ZNF675: variants seen among roughly 807,000 people sequenced by gnomAD.
The protein encoded by ZNF675 is TRAF6 inhibitory zinc finger.
Under a neutral mutation model 56.1 loss-of-function variants are expected in ZNF675, and 36 were observed. The observed-to-expected ratio is 0.64, with a 90% CI of 0.49 to 0.85. The LOEUF (loss-of-function observed/expected upper bound fraction) is 0.85, where lower values mean the gene tolerates loss of function less well. ZNF675 is among the 40% of genes least tolerant of loss of function. The pLI is 0.00. For synonymous variants in ZNF675, 200 were observed against 218.9 expected, an observed-to-expected ratio of 0.91 and a Z score of 0.76; for missense variants, 663 against 654.2, an observed-to-expected ratio of 1.01 and a Z score of -0.15.
chr19:23,671,719 T>C (rs1427534661), intron 1 of ZNF675, among the ~76,000 whole-genome samples: 8 of 151,624 alleles, frequency 5.3e-5, no homozygotes, highest in African/African-American at 1.7e-4. Context: ...CTAGTTGCTA[T>C]AGTCTAGACT....
At chr19:23,685,920 T>C (rs1045655225) in intron 1 of ZNF675, among the ~76,000 whole-genome samples, 1 of 151,908 alleles carries the variant, frequency 6.6e-6, no homozygotes, top group Non-Finnish European at 1.5e-5. Flanking sequence ...TCCTGTGGAG[T>C]GTGAAAATAA....
At chr19:23,667,196 T>C (rs4932886) in intron 1 of ZNF675, among the ~76,000 whole-genome samples, 147,263 of 151,690 alleles carry the variant, frequency 0.97, 71,643 homozygotes, top group Middle Eastern at 1. Context: ...TGGAGTTGTT[T>C]GTTCCTCCCG....
At chr19:23,660,034 T>C (rs886564010) in intron 3 of ZNF675, among the ~76,000 whole-genome samples, 3 of 151,464 alleles carry the variant, frequency 2.0e-5, no homozygotes, top group African/African-American at 7.3e-5. Context: ...ATGCAGACCC[T>C]ACTGCAAAAA....
At chr19:23,659,418 T>C (rs973280812) in intron 3 of ZNF675, among the ~76,000 whole-genome samples, 1 of 152,070 alleles carries the variant, frequency 6.6e-6, no homozygotes, top group African/African-American at 2.4e-5. Flanking sequence ...AATGCCTTTA[T>C]GAGATTGCCA....
intron 1 of ZNF675, chr19:23,686,276 C>A (rs1159709149): frequency 2.0e-5 from 3 of 152,096 alleles, no homozygotes; most frequent in Non-Finnish European, 2.9e-5. Context: ...TGATTAAATT[C>A]TCCAATATTT....
rs865788602 is a variant in ZNF675, at chr19:23,667,153, C to T, written c.4-3995G>A. On this transcript the variant is annotated intron_variant, in intron 1 of 3. Coordinates refer to ENST00000359788, the MANE Select transcript of ZNF675 (RefSeq NM_138330.3). ...TCAGGAGTGAAGCTGCAGACCTTCG[C>T]GGTGAGTGTTACAGCTCTTAAGGCA... is the stretch of plus-strand genomic sequence containing the variant. Among the ~76,000 whole-genome samples, 103 of 151,422 alleles carry T rather than the reference C, an allele frequency of 6.8e-4. 1 individual carries two copies. The highest frequency in any genetic ancestry group is 1.1e-3 in the Admixed American group (16 of 15,194).
chr19:23,654,247 T>C lies in ZNF675; in HGVS notation c.686A>G (p.Lys229Arg), dbSNP rs138875000. ...AAAAGTTCTGTCACATTCTTGACAT[T>C]TGTAGAGTTTCTCACAAGTATAAAT... ...KRIYTCEKLY[K>R]CQECDRTFNQ... Residue 229 changes from lysine to arginine, a missense_variant, in exon 4 of 4, where the codon AAA (lysine) becomes AGA (arginine). Coordinates refer to ENST00000359788, the MANE Select transcript of ZNF675 (RefSeq NM_138330.3). 4.1e-4 allele frequency: 659 copies of C among 1,613,810 alleles called. 7 individuals carry two copies. In the South Asian group the frequency reaches 4.4e-3, roughly 11 times the overall value.
In ZNF675 at chr19:23,663,031, C is replaced by G; in HGVS notation, c.130+1G>C. 1 of 1,582,400 alleles carries G rather than the reference C, an allele frequency of 6.3e-7. No individual in the cohort carries two copies. The highest frequency in any genetic ancestry group is 8.6e-7 in the Non-Finnish European group (1 of 1,169,464). On this transcript the variant is annotated splice_donor_variant, in intron 2 of 3. Transcript: ENST00000359788. LOFTEE classifies it high-confidence loss of function. ...AAACTGTGTGTTTAAGTTATCCTTA[C>G]CCAGGAAGACCAGGTTTCTGTAGTT...
At chr19:23,656,871 T>C (rs1363831281) in intron 3 of ZNF675, 1 of 152,138 alleles carries the variant, frequency 6.6e-6, no homozygotes, top group Non-Finnish European at 1.5e-5. Context: ...TGAGTTTTAG[T>C]TTCACAAGAT....
In ZNF675 at chr19:23,653,903, C is replaced by G. The variant is rs1040662914; in HGVS notation, c.1030G>C (p.Glu344Gln). ...GATCGGTTAAAAGCTTTTCCACATT[C>G]TTCACATTTGTAGGGTTTTTCTCCA... ...HTGEKPYKCE[E>Q]CGKAFNRSSK... Residue 344 changes from glutamate (E) to glutamine (Q), a missense_variant, in exon 4 of 4, where the codon GAA (glutamate) becomes CAA (glutamine). Around this residue, in one of 3 missense-constraint regions of ZNF675, gnomAD observed 617 missense variants for 590.5 expected, o/e 1.04. Transcript: ENST00000359788. The G allele has an allele frequency of 9.9e-6, 16 of 1,613,344 alleles. No individual in the cohort carries two copies. The highest frequency in any genetic ancestry group is 1.2e-5 in the Non-Finnish European group (14 of 1,179,508).
chr19:23,653,807 C>T lies in ZNF675; in HGVS notation c.1126G>A (p.Ala376Thr), dbSNP rs767271067. The change falls in exon 4 of 4, where the codon GCT (alanine) becomes ACT (threonine). Residue 376 changes from alanine to threonine, a missense_variant. Coordinates refer to ENST00000359788, the MANE Select transcript of ZNF675 (RefSeq NM_138330.3). Reference protein sequence around the residue: ...QPYKCEECGKAFNRSSNLTEH... With the variant: ...QPYKCEECGKTFNRSSNLTEH... ...GTAAGATTTGAGGATCGGTTAAAAG[C>T]TTTGCCGCATTCCTCACATTTGTAG... 6 of 1,613,666 alleles carry T rather than the reference C, an allele frequency of 3.7e-6. No individual in the cohort carries two copies. The highest frequency in any genetic ancestry group is 2.7e-5 in the African/African-American group (2 of 74,864).
chr19:23,671,180 T>A lies in ZNF675; in HGVS notation c.4-8022A>T, dbSNP rs139683170. 3.0e-3 allele frequency among the ~76,000 whole-genome samples: 451 copies of A among 152,310 alleles called. 3 individuals carry two copies. The highest frequency in any genetic ancestry group is 0.011 in the African/African-American group (439 of 41,562). ...CTTCCTCTTCCTGAAGGGAAAATAC[T>A]AATGGCAAAGCATTTTATTAGCCAA... On this transcript the variant is annotated intron_variant, in intron 1 of 3. Coordinates refer to ENST00000359788, the MANE Select transcript of ZNF675 (RefSeq NM_138330.3).
intron 1 of ZNF675, among the ~76,000 whole-genome samples, chr19:23,684,301 C>T (rs1968415544): frequency 6.7e-6 from 1 of 150,266 alleles, no homozygotes; most frequent in African/African-American, 2.5e-5. Flanking sequence ...AAAATAAGTG[C>T]ACTAATCTTT....
rs1238598265 is a variant in ZNF675 at position 23,658,908 on chromosome 19, G to GATATAGATCT, written c.226+3205_226+3206insAGATCTATAT. Reference sequence around the variant, plus strand: ...AGATATAGATCTATAGATATCTATAGATAGATATAGATCTATAGATACCGA... The same window carrying GATATAGATCT: ...AGATATAGATCTATAGATATCTATAGATATAGATCTATAGATATAGATCTATAGATACCGA... On this transcript the variant is annotated intron_variant, in intron 3 of 3. Transcript: ENST00000359788. Among the ~76,000 whole-genome samples the GATATAGATCT allele has an allele frequency of 1.0e-3, 26 of 25,210 alleles. 1 individual carries two copies. The highest frequency in any genetic ancestry group is 1.7e-3 in the South Asian group (1 of 576). The allele number at this position is 25,210 out of a possible 152,430, so 16.5% of individuals were successfully genotyped here.
chr19:23,656,821 G>A (rs971224745), intron 3 of ZNF675: 16 of 149,592 alleles, frequency 1.1e-4, no homozygotes, highest in African/African-American at 3.7e-4. Context: ...GTTTGTCAAC[G>A]GCTGGAGAGA....
At chr19:23,656,920 A>G (rs747515462) in intron 3 of ZNF675, 1 of 152,310 alleles carries the variant, frequency 6.6e-6, no homozygotes, top group Middle Eastern at 3.4e-3. Context: ...CAATACAAAT[A>G]TACTAAACAT....
chr19:23,684,057 C>CGAGACCATCCTGGCT (rs1392131194), intron 1 of ZNF675, among the ~76,000 whole-genome samples: 1 of 150,674 alleles, frequency 6.6e-6, no homozygotes, highest in Non-Finnish European at 1.5e-5. Context: ...GTCAGGAGAT[C>CGAGACCATCCTGGCT]AAGACCATCC....
intron 3 of ZNF675, chr19:23,658,235 C>T (rs1188053864): frequency 6.6e-6 from 1 of 151,898 alleles, no homozygotes; most frequent in Non-Finnish European, 1.5e-5. Flanking sequence ...GTGGCGCACA[C>T]CTGTAATCCT....
In ZNF675 at chr19:23,667,851, A is replaced by T. The variant is rs1461606492; in HGVS notation, c.4-4693T>A. Among the ~76,000 whole-genome samples the T allele has an allele frequency of 6.0e-5, 9 of 150,696 alleles. No homozygotes were observed. The East Asian group carries it at 1.8e-3, about 30-fold the overall frequency. On this transcript the variant is annotated intron_variant, in intron 1 of 3. Transcript: ENST00000359788. ...ACAGTGTCAACTGGTGCACTCACAA[A>T]CCCTGAGCTAGACACAGGGTGCTGA...
Sources: gnomAD v4.1 joint callset for allele counts (sites outside exome capture counted in the v4.1 genomes callset) on GRCh38, gnomAD v4.1.1 for gene constraint, gnomAD v4.1.1 regional missense constraint, MANE v1.5 for transcripts, NCBI Gene and HGNC (gene_info 2026-07-23, HGNC 2026-07-21) for gene names.